The following SARNP variants were observed in gnomAD, a reference collection of about 807,000 sequenced individuals.
SARNP encodes the protein SAP domain-containing ribonucleoprotein.
Under a neutral mutation model 38.1 loss-of-function variants are expected in SARNP, and 5 were observed. The observed-to-expected ratio is 0.13, with a 90% confidence interval of 0.07 to 0.28. SARNP has a LOEUF of 0.28. Among genes scored for constraint, SARNP ranks in the 10% least tolerant of loss-of-function variants. The pLI, the probability that SARNP is intolerant of heterozygous loss-of-function variation, is 1.00. For missense variants in SARNP, 180 were observed against 243.9 expected, an observed-to-expected ratio of 0.74 and a Z score of 1.75; for synonymous variants, 84 against 80.6, an observed-to-expected ratio of 1.04 and a Z score of -0.23.
At chr12:55,784,215 G>C (rs1405344218) in intron 9 of SARNP, among the ~76,000 whole-genome samples, 1 of 152,164 alleles carries the variant, frequency 6.6e-6, no homozygotes, top group Non-Finnish European at 1.5e-5. Context: ...TGTGCCTAGA[G>C]AATTAAACAA....
chr12:55,780,310 C>T (rs1879303526), intron 9 of SARNP, among the ~76,000 whole-genome samples: 2 of 151,922 alleles, frequency 1.3e-5, no homozygotes. Flanking sequence ...AAAAATTAGC[C>T]GGGCATAGTA....
At chr12:55,804,707 C>T (rs1221974602) in intron 1 of SARNP, among the ~76,000 whole-genome samples, 4 of 152,022 alleles carry the variant, frequency 2.6e-5, no homozygotes, top group Admixed American at 2.0e-4. Flanking sequence ...TCTTATTTTA[C>T]GAAGCACAAC....
chr12:55,782,720 G>C (rs970781947), intron 9 of SARNP, among the ~76,000 whole-genome samples: 1 of 152,054 alleles, frequency 6.6e-6, no homozygotes, highest in Non-Finnish European at 1.5e-5. Context: ...CTAAGTAGCT[G>C]GGACCACAGG....
intron 8 of SARNP, among the ~76,000 whole-genome samples, chr12:55,789,575 T>C (rs940013247): frequency 9.9e-5 from 15 of 152,214 alleles, no homozygotes; most frequent in Non-Finnish European, 1.9e-4. Context: ...AGACAACCTA[T>C]AACTACTACC....
chr12:55,789,845 G>A (rs1160744406), intron 8 of SARNP, among the ~76,000 whole-genome samples: 1 of 150,906 alleles, frequency 6.6e-6, no homozygotes, highest in Non-Finnish European at 1.5e-5. Flanking sequence ...TTGGGAGGCT[G>A]AGGCAGGAGA....
At chr12:55,773,596 T>C (rs1879075029) in intron 9 of SARNP, among the ~76,000 whole-genome samples, 2 of 152,082 alleles carry the variant, frequency 1.3e-5, no homozygotes, top group Admixed American at 6.6e-5. Flanking sequence ...TGCAGTTATG[T>C]GGGGAAAAGA....
chr12:55,791,498 C>T (rs1175894480), intron 7 of SARNP, among the ~76,000 whole-genome samples: 17 of 152,048 alleles, frequency 1.1e-4, no homozygotes, highest in Admixed American at 1.1e-3. Context: ...ACTTGTAGAC[C>T]AGCCTGACCA....
intron 9 of SARNP, among the ~76,000 whole-genome samples, chr12:55,786,880 G>A (rs1188372718): frequency 6.6e-6 from 1 of 152,050 alleles, no homozygotes; most frequent in Non-Finnish European, 1.5e-5. Flanking sequence ...AGCACCAATG[G>A]TCTCAGCATC....
intron 9 of SARNP, among the ~76,000 whole-genome samples, chr12:55,777,646 T>C (rs1879221813): frequency 6.6e-6 from 1 of 152,180 alleles, no homozygotes. Context: ...AGTGCTGGTA[T>C]TACAGGTGTG....
intron 5 of SARNP, 139 bp downstream of exon 5, chr12:55,795,886 G>A (rs755108932): frequency 1.7e-6 from 1 of 604,158 alleles, no homozygotes; most frequent in East Asian, 2.8e-5. Flanking sequence ...GTAGCTGGCA[G>A]TGAAACGTAT....
At chr12:55,793,676 G>A (rs1197497126) in intron 7 of SARNP, 1 of 151,204 alleles carries the variant, frequency 6.6e-6, no homozygotes, top group Non-Finnish European at 1.5e-5. Context: ...AAACCTTGCT[G>A]AAGTGTCTAC....
intron 1 of SARNP, among the ~76,000 whole-genome samples, chr12:55,813,129 A>T (rs1285419913): frequency 6.6e-6 from 1 of 152,056 alleles, no homozygotes; most frequent in African/African-American, 2.4e-5. Flanking sequence ...TATTTTTAGT[A>T]GAGATGGGGT....
At chr12:55,782,388 T>C (rs562758988) in intron 9 of SARNP, among the ~76,000 whole-genome samples, 73 of 152,330 alleles carry the variant, frequency 4.8e-4, no homozygotes, top group African/African-American at 1.6e-3. Context: ...TCCTATAATG[T>C]CCTAAAGTAT....
Position 55,817,674 on chromosome 12 carries a change from T to C in SARNP, c.28A>G (p.Lys10Glu), listed in dbSNP as rs1004229331. 1 of 1,612,292 alleles carries C rather than the reference T, an allele frequency of 6.2e-7. No homozygotes were observed. The highest frequency in any genetic ancestry group is 8.5e-7 in the Non-Finnish European group (1 of 1,179,250). Residue 10 changes from lysine to glutamate, a missense_variant, in exon 1 of 11, where the codon AAG (lysine) becomes GAG (glutamate). Physicochemically the swap from Lys to Glu is moderately conservative, Grantham distance 56. Around this residue, in one of 2 missense-constraint regions of SARNP, gnomAD observed 161 missense variants for 194.1 expected, o/e 0.83. Coordinates refer to ENST00000336133, the MANE Select transcript of SARNP (RefSeq NM_033082.4). The stretch of plus-strand genomic sequence containing the variant: ...TCCCCGATTCACGGTACCTTTAGCT[T>C]ATGGAGCTCCACCGTCTCGGTCGCC... Reference protein sequence around the residue: MATETVELHKLKLAELKQEC... With the variant: MATETVELHELKLAELKQEC...
At chr12:55,785,203 T>A (rs1038095671) in intron 9 of SARNP, among the ~76,000 whole-genome samples, 1 of 152,178 alleles carries the variant, frequency 6.6e-6, no homozygotes, top group Admixed American at 6.6e-5. Flanking sequence ...TAAAAAAATA[T>A]GCTATACGTA....
At chr12:55,767,155 C>T (rs1369853226) in intron 9 of SARNP, among the ~76,000 whole-genome samples, 3 of 152,174 alleles carry the variant, frequency 2.0e-5, no homozygotes, top group Non-Finnish European at 4.4e-5. Flanking sequence ...TTAGCTATTA[C>T]TTTTATTGCC....
rs914741207 is a variant in SARNP, at chr12:55,803,734, G to A, written c.37-6C>T. On this transcript the variant is annotated splice_polypyrimidine_tract_variant and splice_region_variant and intron_variant, in intron 1 of 10. Transcript: ENST00000336133. ...TCTTGCTTTAGTTCGGCAAGCTGAGGGGAAAAAAATAAAACTTTTCCTTAG... is the reference window on the plus strand; with the variant it reads ...TCTTGCTTTAGTTCGGCAAGCTGAGAGGAAAAAAATAAAACTTTTCCTTAG... The A allele has an allele frequency of 6.2e-7, 1 of 1,607,032 alleles. No individual in the cohort carries two copies. The highest frequency in any genetic ancestry group is 8.5e-7 in the Non-Finnish European group (1 of 1,174,916).
chr12:55,766,977 TA>T (rs1396872309), intron 9 of SARNP, among the ~76,000 whole-genome samples: 1 of 152,148 alleles, frequency 6.6e-6, no homozygotes, highest in African/African-American at 2.4e-5. Flanking sequence ...TAAAACCAAA[TA>T]CCCTTAGTAT....
intron 9 of SARNP, among the ~76,000 whole-genome samples, chr12:55,770,261 T>C (rs1409977445): frequency 6.6e-6 from 1 of 151,790 alleles, no homozygotes; most frequent in Non-Finnish European, 1.5e-5. Context: ...AGTCTCGCTC[T>C]GTCGCCCAGG....
Sources: allele counts gnomAD v4.1 joint callset (sites outside exome capture counted in the v4.1 genomes callset), GRCh38; gene constraint gnomAD v4.1.1; regional missense constraint gnomAD v4.1.1; transcripts MANE v1.5; gene names NCBI Gene and HGNC (gene_info 2026-07-23, HGNC 2026-07-21).